Variants in SRD5A2 observed in about 807,000 individuals in gnomAD.
SRD5A2 encodes the protein steroid 5 alpha-reductase 2, also known as 3-oxo-5-alpha-steroid 4-dehydrogenase 2.
SRD5A2 carries 30 observed loss-of-function variants against 27.4 expected under a neutral mutation model. The observed-to-expected ratio is 1.10, with a 90% CI of 0.82 to 1.49. The LOEUF (loss-of-function observed/expected upper bound fraction) is 1.49, where lower values mean the gene tolerates loss of function less well. SRD5A2 is among the 40% of genes most tolerant of loss of function. The pLI is 0.00. For synonymous variants in SRD5A2, 141 were observed against 133.6 expected (o/e 1.06, Z -0.38); for missense variants, 348 against 323.4 (o/e 1.08, Z -0.58).
intron 1 of SRD5A2, among the ~76,000 whole-genome samples, chr2:31,570,113 A>G (rs1333775069): frequency 6.6e-6 from 1 of 152,142 alleles, no homozygotes; most frequent in African/African-American, 2.4e-5. Context: ...GATGAACATC[A>G]GGGCAAAAAT....
intron 1 of SRD5A2, among the ~76,000 whole-genome samples, chr2:31,575,204 A>G (rs186998928): frequency 4.1e-4 from 63 of 152,250 alleles, no homozygotes; most frequent in Admixed American, 4.0e-3. Context: ...TTCTCAGCAG[A>G]TGAGTAGTTT....
At chr2:31,556,757 G>T (rs1236216038) in intron 1 of SRD5A2, among the ~76,000 whole-genome samples, 1 of 152,152 alleles carries the variant, frequency 6.6e-6, no homozygotes, top group Non-Finnish European at 1.5e-5. Context: ...TTTGTTTTAA[G>T]CCACTTTGTG....
chr2:31,617,446 T>A, the SRD5A2 span, among the ~76,000 whole-genome samples: 10 of 152,206 alleles, frequency 6.6e-5, no homozygotes, highest in Non-Finnish European at 7.4e-5. Context: ...CCCATTGTCT[T>A]GGAGATTAAC....
chr2:31,585,959 T>C, the SRD5A2 span, among the ~76,000 whole-genome samples: 1 of 152,202 alleles, frequency 6.6e-6, no homozygotes, highest in Non-Finnish European at 1.5e-5. Flanking sequence ...CCTCTGCCTT[T>C]GGACAGGGGA....
intron 1 of SRD5A2, among the ~76,000 whole-genome samples, chr2:31,558,083 A>G (rs1486332119): frequency 6.6e-6 from 1 of 152,190 alleles, no homozygotes; most frequent in African/African-American, 2.4e-5. Context: ...TCTTACTTGG[A>G]AGGCCAGCAA....
At chr2:31,583,630 A>C (rs1481007908), upstream of SRD5A2, among the ~76,000 whole-genome samples, 5 of 25,910 alleles carry the variant, frequency 1.9e-4, no homozygotes, top group Non-Finnish European at 6.1e-4. Context: ...AAAAAAAAAC[A>C]AAAAAAAAGC....
chr2:31,658,246 T>C, the SRD5A2 span, among the ~76,000 whole-genome samples: 2 of 152,104 alleles, frequency 1.3e-5, no homozygotes, highest in African/African-American at 4.8e-5. Flanking sequence ...GGAAAGTTTA[T>C]AGCACTAAAC....
upstream of SRD5A2, among the ~76,000 whole-genome samples, chr2:31,582,023 C>T (rs1029761141): frequency 2.6e-5 from 4 of 152,094 alleles, no homozygotes; most frequent in African/African-American, 7.2e-5. Context: ...CTTCTTTCTT[C>T]GACCCGGCTT....
At chr2:31,546,866 G>C (rs1398022387) in intron 1 of SRD5A2, among the ~76,000 whole-genome samples, 6 of 152,200 alleles carry the variant, frequency 3.9e-5, no homozygotes, top group Non-Finnish European at 8.8e-5. Context: ...GGAGGCCAAG[G>C]AGGGCGGATC....
At chr2:31,627,518 G>T in the SRD5A2 span, among the ~76,000 whole-genome samples, 2 of 151,538 alleles carry the variant, frequency 1.3e-5, no homozygotes, top group East Asian at 3.9e-4. Context: ...TAGCTTTCAG[G>T]TTAATTTCCC....
At chr2:31,633,084 C>A in the SRD5A2 span, among the ~76,000 whole-genome samples, 5 of 152,048 alleles carry the variant, frequency 3.3e-5, no homozygotes, top group East Asian at 9.7e-4. Flanking sequence ...GATATTGAAG[C>A]CAAAAGAGCC....
At chr2:31,644,552 T>A in the SRD5A2 span, among the ~76,000 whole-genome samples, 1 of 152,144 alleles carries the variant, frequency 6.6e-6, no homozygotes, top group Non-Finnish European at 1.5e-5. Context: ...CCTGTGAGAA[T>A]CTAATGCGGC....
At chr2:31,538,262 T>C (rs1016500756) in intron 1 of SRD5A2, among the ~76,000 whole-genome samples, 1 of 152,130 alleles carries the variant, frequency 6.6e-6, no homozygotes, top group Admixed American at 6.5e-5. Context: ...AAATGCCAAG[T>C]TTATTCTTCC....
In SRD5A2 at chr2:31,580,934, C is replaced by A. The variant is rs1355781531; in HGVS notation, c.-34G>T. On this transcript the variant is annotated 5_prime_UTR_variant, in exon 1 of 5. Transcript: ENST00000622030. ...GTTCCTCGCCGGTGGCCGCTGCCCT[C>A]CCAGAAGAGAGCGCGGCCCCCGCAA... is the stretch of plus-strand genomic sequence containing the variant. The A allele has an allele frequency of 4.4e-6, 7 of 1,573,864 alleles. No individual in the cohort carries two copies. Among genetic ancestry groups the A allele is most frequent in the Non-Finnish European group, 6.0e-6 (7 of 1,159,110 alleles).
At chr2:31,552,449 G>A (rs111480912) in intron 1 of SRD5A2, among the ~76,000 whole-genome samples, 23 of 152,030 alleles carry the variant, frequency 1.5e-4, no homozygotes, top group Admixed American at 3.3e-4. Context: ...ATGGAACATT[G>A]ACAGTACTGC....
the SRD5A2 span, among the ~76,000 whole-genome samples, chr2:31,643,155 G>A: frequency 3.3e-5 from 5 of 152,028 alleles, no homozygotes; most frequent in Non-Finnish European, 2.9e-5. Context: ...TAAGATTTGT[G>A]CATTTCATTA....
the SRD5A2 span, among the ~76,000 whole-genome samples, chr2:31,655,348 G>A: frequency 9.9e-5 from 15 of 152,096 alleles, no homozygotes; most frequent in East Asian, 9.6e-4. Flanking sequence ...TGATCCACCC[G>A]CCTCGGCCTC....
chr2:31,612,171 C>G, the SRD5A2 span, among the ~76,000 whole-genome samples: 1 of 151,804 alleles, frequency 6.6e-6, no homozygotes, highest in African/African-American at 2.4e-5. Context: ...GTCCCAGTTA[C>G]ATGGGAGGTT....
chr2:31,599,942 C>CGCTGAAT, the SRD5A2 span, among the ~76,000 whole-genome samples: 1 of 151,506 alleles, frequency 6.6e-6, no homozygotes, highest in Admixed American at 6.6e-5. Context: ...GGTATTAAGC[C>CGCTGAAT]TACTACCCAT....
Sources: allele counts gnomAD v4.1 joint callset (sites outside exome capture counted in the v4.1 genomes callset), GRCh38; gene constraint gnomAD v4.1.1; transcripts MANE v1.5; gene names NCBI Gene and HGNC (gene_info 2026-07-23, HGNC 2026-07-21).